Variants in NKD2 observed in about 807,000 individuals in gnomAD.
NKD2 encodes NKD inhibitor of Wnt signaling pathway 2, also known as protein naked cuticle homolog 2.
NKD2 carries 43 observed loss-of-function variants against 34.8 expected under a neutral mutation model. That is an observed-to-expected ratio of 1.24 (90% CI 0.97 to 1.60). NKD2 has a LOEUF of 1.60. NKD2 is among the 40% of genes most tolerant of loss of function. The pLI, the probability that NKD2 is intolerant of heterozygous loss-of-function variation, is 0.00. For missense variants in NKD2, 675 were observed against 627.1 expected (o/e 1.08, Z -0.82); for synonymous variants, 278 against 265.1 (o/e 1.05, Z -0.47).
At chr5:1,020,107 G>A (rs1455533284) in intron 3 of NKD2, among the ~76,000 whole-genome samples, 1 of 152,148 alleles carries the variant, frequency 6.6e-6, no homozygotes, top group Non-Finnish European at 1.5e-5. Context: ...TGAAGACAAA[G>A]ACAGTAGCAG....
Position 1,038,596 on chromosome 5 carries a change from C to A in NKD2, c.*223C>A. 1 of 872,920 alleles carries A rather than the reference C, an allele frequency of 1.1e-6. No homozygotes were observed. Among genetic ancestry groups the A allele is most frequent in the Middle Eastern group, 2.1e-4 (1 of 4,676 alleles). The allele number at this position is 872,920 out of a possible 1,614,324, so 54.1% of individuals were successfully genotyped here. On this transcript the variant is annotated 3_prime_UTR_variant, in exon 10 of 10. Coordinates refer to ENST00000296849, the MANE Select transcript of NKD2 (RefSeq NM_033120.4). The surrounding 1 kb of genome is among the most constrained non-coding windows in gnomAD (Gnocchi z 4.5). ...CTCTGCTCTTCTGCCCTCGATGCCA[C>A]ATGGCGGTGAACACATCTGAAGCCA...
chr5:1,017,885 G>A (rs1196648730), intron 3 of NKD2, among the ~76,000 whole-genome samples: 1 of 151,932 alleles, frequency 6.6e-6, no homozygotes, highest in Non-Finnish European at 1.5e-5. Flanking sequence ...CCGTGGTGCT[G>A]GGGTGTGAGA....
chr5:1,009,180 C>A lies in NKD2; in HGVS notation c.27C>A (p.Ala9=). 1.8e-6 allele frequency: 1 copy of A among 559,402 alleles called. No homozygotes were observed. 34.7% of individuals were successfully genotyped at this position (559,402 alleles called of 1,614,324 possible). A position where few individuals can be genotyped will look rare whatever the true frequency, so the allele number is the denominator to read the frequency against. ...TCCCCGCGTCCCGCCGTGCCGCAGC[C>A]GCCGCCGCCCGCAAGCGGAGAGAGA... MGKLQSKH[A]AAARKRRESP... is the part of the protein sequence containing the mutation. Residue 9 remains alanine (A), a splice_region_variant and synonymous_variant, in exon 2 of 10, where the codon GCC becomes GCA. Coordinates refer to ENST00000296849, the MANE Select transcript of NKD2 (RefSeq NM_033120.4). This position sits in a 1 kb window ranked among gnomAD's most constrained non-coding sequence, Gnocchi z 6.9.
chr5:1,019,464 C>A (rs995610474), intron 3 of NKD2, among the ~76,000 whole-genome samples: 4 of 152,246 alleles, frequency 2.6e-5, no homozygotes, highest in Non-Finnish European at 4.4e-5. Flanking sequence ...TCTGCAGCCT[C>A]GGCCAATAGC....
At position 1,038,283 on chromosome 5, in the gene NKD2, C is replaced by T. The variant is rs1216530867; in HGVS notation, c.1266C>T (p.Gly422=). The T allele has an allele frequency of 6.4e-7, 1 of 1,562,544 alleles. No individual in the cohort carries two copies. Among genetic ancestry groups the T allele is most frequent in the East Asian group, 2.3e-5 (1 of 42,634 alleles). ...TGCCGCCCACGCCAGCAGGAGAGGG[C>T]TACGCGGTGCCAGTGATCCAGCGGC... ...RDLPPTPAGE[G]YAVPVIQRHE... Residue 422 remains glycine (G), a synonymous_variant, in exon 10 of 10, where the codon GGC becomes GGT. Transcript: ENST00000296849. The surrounding 1 kb of genome is among the most constrained non-coding windows in gnomAD (Gnocchi z 4.5).
intron 5 of NKD2, 142 bp downstream of exon 5, chr5:1,033,641 C>T (rs1756736960): frequency 3.7e-6 from 4 of 1,078,130 alleles, no homozygotes; most frequent in East Asian, 5.3e-5. Context: ...CCGTTTAAGG[C>T]ATTGAAGCAG....
At chr5:1,036,677 C>A in intron 9 of NKD2, 1 of 581,436 alleles carries the variant, frequency 1.7e-6, no homozygotes, top group Non-Finnish European at 3.2e-6. Flanking sequence ...AGATGGAAGA[C>A]ATTGGGTTTG....
In NKD2 at chr5:1,038,853, G is replaced by T. The variant is rs1019273699; in HGVS notation, c.*480G>T. ...GAAGTGAGAGGGGACAGGGCCGGTGGGGGGAAGCAGCTTGTGCTTAGCAGG... is the reference window on the plus strand; with the variant it reads ...GAAGTGAGAGGGGACAGGGCCGGTGTGGGGAAGCAGCTTGTGCTTAGCAGG... On this transcript the variant is annotated 3_prime_UTR_variant, in exon 10 of 10. Coordinates refer to ENST00000296849, the MANE Select transcript of NKD2 (RefSeq NM_033120.4). The surrounding 1 kb of genome is among the most constrained non-coding windows in gnomAD (Gnocchi z 4.5). 25 of 295,548 alleles carry T rather than the reference G, an allele frequency of 8.5e-5. No homozygotes were observed. Among genetic ancestry groups the T allele is most frequent in the Non-Finnish European group, 1.2e-4 (18 of 152,044 alleles). The allele number at this position is 295,548 out of a possible 1,614,324, so 18.3% of individuals were successfully genotyped here.
Position 1,034,834 on chromosome 5 carries a change from C to T in NKD2, c.505C>T (p.Leu169Phe), listed in dbSNP as rs551707075. ...VNHSSGSSKTLRVKLTVSPEP... is the reference protein window; with the variant it reads ...VNHSSGSSKTFRVKLTVSPEP... ...CCACTCCTCGGGCAGCAGCAAGACC[C>T]TCCGTGTGAAGCTAACCGTCAGCCC... The change falls in exon 7 of 10, where the codon CTC becomes TTC. Residue 169 changes from leucine (L) to phenylalanine (F), a missense_variant. Physicochemically the swap from Leu to Phe is conservative, Grantham distance 22. Coordinates refer to ENST00000296849, the MANE Select transcript of NKD2 (RefSeq NM_033120.4). 17 of 1,612,870 alleles carry T rather than the reference C, an allele frequency of 1.1e-5. No individual in the cohort carries two copies. The South Asian group carries it at 1.8e-4, about 17-fold the overall frequency.
chr5:1,036,303 T>C lies in NKD2; in HGVS notation c.706T>C (p.Cys236Arg), dbSNP rs575971005. The C allele has an allele frequency of 5.0e-6, 8 of 1,612,764 alleles. No homozygotes were observed. The African/African-American group carries it at 9.3e-5, about 19-fold the overall frequency. ...GCCCTGCTCGGAGCGGGGGCCCTACTGCGTGGACGAGAACACGGAGCGCAG... is the reference window on the plus strand; with the variant it reads ...GCCCTGCTCGGAGCGGGGGCCCTACCGCGTGGACGAGAACACGGAGCGCAG... Reference protein sequence around the residue: ...PQPCSERGPYCVDENTERRNH... With the variant: ...PQPCSERGPYRVDENTERRNH... Residue 236 changes from cysteine (C) to arginine (R), a missense_variant, in exon 9 of 10, where the codon TGC (cysteine) becomes CGC (arginine). Cys to Arg is a radical substitution (Grantham distance 180, BLOSUM62 -3). Coordinates refer to ENST00000296849, the MANE Select transcript of NKD2 (RefSeq NM_033120.4).
At chr5:1,037,471 GGC>G in intron 9 of NKD2, 1 of 1,499,780 alleles carries the variant, frequency 6.7e-7, no homozygotes, top group Non-Finnish European at 9.0e-7. Context: ...GAATCCTGGG[GGC>G]GCCCTCCCTG....
chr5:1,014,862 C>T (rs766537750), intron 3 of NKD2, among the ~76,000 whole-genome samples: 36 of 152,236 alleles, frequency 2.4e-4, no homozygotes, highest in African/African-American at 6.0e-4. Context: ...GGCCGTGTTA[C>T]GTGTGGCCCC....
rs371877793 is a variant in NKD2, at chr5:1,032,426, G to T, written c.202+214G>T. ...CGATCTGGCAGCAGAGACCAAAAAG[G>T]CCTGTCCCATGGGCAGAGCCCTAAG... On this transcript the variant is annotated intron_variant, in intron 4 of 9. Transcript: ENST00000296849. 2.2e-4 allele frequency among the ~76,000 whole-genome samples: 33 copies of T among 152,340 alleles called. No homozygotes were observed. The East Asian group carries it at 2.3e-3, about 11-fold the overall frequency.
chr5:1,037,827 G>C lies in NKD2; in HGVS notation c.810G>C (p.Lys270Asn), dbSNP rs370276044. ...CAGGGTCCCCTCCTGTGCAAGCAAA[G>C]CAGGAGCCCCAGGGCAGGGCCTCGC... ...FGPGSPPVQA[K>N]QEPQGRASHL... The change falls in exon 10 of 10, where the codon AAG (lysine) becomes AAC (asparagine). Residue 270 changes from lysine (K) to asparagine (N), a missense_variant. Lys to Asn is a moderately conservative substitution (Grantham distance 94, BLOSUM62 0). Transcript: ENST00000296849. The C allele has an allele frequency of 6.3e-7, 1 of 1,581,090 alleles. No homozygotes were observed. Among genetic ancestry groups the C allele is most frequent in the Admixed American group, 1.7e-5 (1 of 57,634 alleles).
chr5:1,032,126 C>A, intron 3 of NKD2, 26 bp from the exon 4 acceptor site: 1 of 1,605,768 alleles, frequency 6.2e-7, no homozygotes, highest in Non-Finnish European at 8.5e-7. Context: ...GCTATGTGGC[C>A]ACTGACTGCC....
chr5:1,036,081 C>T (rs970937186), intron 8 of NKD2, 176 bp from the exon 9 acceptor site: 4 of 1,324,258 alleles, frequency 3.0e-6, no homozygotes, highest in Non-Finnish European at 3.8e-6. Context: ...CCTTGTTTCT[C>T]TGGACGGCAC....
At chr5:1,037,474 G>A (rs779600927) in intron 9 of NKD2, 44 of 1,505,960 alleles carry the variant, frequency 2.9e-5, no homozygotes, top group Middle Eastern at 3.4e-4. Flanking sequence ...TCCTGGGGGC[G>A]CCCTCCCTGA....
At chr5:1,029,750 ACCG>A (rs1245423429) in intron 3 of NKD2, among the ~76,000 whole-genome samples, 11 of 152,322 alleles carry the variant, frequency 7.2e-5, no homozygotes, top group African/African-American at 2.6e-4. Context: ...CTCAGGAGCC[ACCG>A]CACCTCCGGC....
rs528873940 is a variant in NKD2, at chr5:1,030,899, AG to A, written c.142-1247del. Reference sequence around the variant, plus strand: ...CTGGGGGGCCCTTGGCTCAGCCACAAGGGGGGCTGGGGGCCTGGGTCTCACT... The same window carrying A: ...CTGGGGGGCCCTTGGCTCAGCCACAAGGGGGCTGGGGGCCTGGGTCTCACT... On this transcript the variant is annotated intron_variant, in intron 3 of 9. Coordinates refer to ENST00000296849, the MANE Select transcript of NKD2 (RefSeq NM_033120.4). Among the ~76,000 whole-genome samples, 16 of 152,282 alleles carry A rather than the reference AG, an allele frequency of 1.1e-4. No individual in the cohort carries two copies. In the South Asian group the frequency reaches 3.1e-3, roughly 30 times the overall value.
Sources: gnomAD v4.1 joint callset for allele counts (sites outside exome capture counted in the v4.1 genomes callset) on GRCh38, gnomAD v4.1.1 for gene constraint, Gnocchi (gnomAD v3.1) non-coding constraint, MANE v1.5 for transcripts, NCBI Gene and HGNC (gene_info 2026-07-23, HGNC 2026-07-21) for gene names.